The following DYSF variants were observed in gnomAD, a reference collection of about 807,000 sequenced individuals.
DYSF encodes dysferlin.
A neutral mutation model predicts 274.9 loss-of-function variants in DYSF; 212 were observed. That is an observed-to-expected ratio of 0.77 (90% CI 0.69 to 0.86). The LOEUF is 0.86. Among genes scored for constraint, DYSF ranks in the 40% least tolerant of loss-of-function variants. The pLI is 0.00. For missense variants in DYSF, 2,666 were observed against 2,783.2 expected (o/e 0.96, Z 0.95); for synonymous variants, 1,091 against 1,078.7 (o/e 1.01, Z -0.22).
At chr2:71,520,362 T>C (rs773845915) in intron 11 of DYSF, among the ~76,000 whole-genome samples, 154 bp downstream of exon 11, 8 of 152,208 alleles carry the variant, frequency 5.3e-5, no homozygotes, top group Non-Finnish European at 8.8e-5. Context: ...TCATCCTCCA[T>C]GTGAGACAGG....
intron 51 of DYSF, among the ~76,000 whole-genome samples, 194 bp from the exon 52 acceptor site, chr2:71,674,003 G>A (rs1457795434): frequency 6.6e-6 from 1 of 152,140 alleles, no homozygotes; most frequent in African/African-American, 2.4e-5. Context: ...CCTGCACGGT[G>A]CCCTTTTGGG....
intron 3 of DYSF, among the ~76,000 whole-genome samples, chr2:71,485,155 A>C (rs557080639): frequency 2.0e-5 from 3 of 152,242 alleles, no homozygotes; most frequent in Non-Finnish European, 2.9e-5. Flanking sequence ...CTAGCAATTA[A>C]AACTTGTCTT....
chr2:71,461,285 AC>A (rs544402309), intron 1 of DYSF, among the ~76,000 whole-genome samples: 67 of 152,262 alleles, frequency 4.4e-4, no homozygotes, highest in Admixed American at 7.8e-4. Context: ...TGCCAGAGGG[AC>A]CCGTCTAGAC....
intron 21 of DYSF, among the ~76,000 whole-genome samples, chr2:71,555,346 G>A (rs1230949797): frequency 6.6e-6 from 1 of 152,096 alleles, no homozygotes; most frequent in Non-Finnish European, 1.5e-5. Flanking sequence ...CTGCTGGGTG[G>A]GGAGGGGTGT....
chr2:71,558,388 C>T (rs954884477), intron 22 of DYSF, among the ~76,000 whole-genome samples: 1 of 152,144 alleles, frequency 6.6e-6, no homozygotes, highest in African/African-American at 2.4e-5. Context: ...TGGAGGGGCA[C>T]ATATGGGCAC....
chr2:71,497,216 G>C (rs2084491664), intron 3 of DYSF, among the ~76,000 whole-genome samples: 1 of 152,184 alleles, frequency 6.6e-6, no homozygotes. Context: ...TGGCTAAATG[G>C]GAGACTGGAG....
intron 42 of DYSF, among the ~76,000 whole-genome samples, chr2:71,651,962 A>T (rs1203064471): frequency 6.6e-6 from 1 of 152,212 alleles, no homozygotes; most frequent in East Asian, 1.9e-4. Context: ...TTATAAGATC[A>T]AGTAACATAT....
intron 44 of DYSF, among the ~76,000 whole-genome samples, chr2:71,659,472 A>G (rs564012270): frequency 6.6e-6 from 1 of 152,268 alleles, no homozygotes; most frequent in African/African-American, 2.4e-5. Context: ...GTGATGGGGG[A>G]AAGGAGCAGC....
chr2:71,628,417 C>CT lies in DYSF; in HGVS notation c.4527+7819dup, dbSNP rs34986238. 1.9e-4 allele frequency among the ~76,000 whole-genome samples: 28 copies of CT among 148,604 alleles called. 1 individual carries two copies. The highest frequency in any genetic ancestry group is 1.3e-3 in the South Asian group (6 of 4,712). On this transcript the variant is annotated intron_variant, in intron 41 of 55. Coordinates refer to ENST00000410020, the MANE Select transcript of DYSF (RefSeq NM_001130987.2). ...TTTCTTTTAGCTATATTCACATTTA[C>CT]TTTTTTTTTTTAATATCCGTCATCT...
At chr2:71,576,247 G>A (rs1027162097) in intron 30 of DYSF, 6 of 152,838 alleles carry the variant, frequency 3.9e-5, no homozygotes, top group African/African-American at 1.2e-4. Context: ...AAAAACCAAA[G>A]CAATGTTGGG....
intron 42 of DYSF, among the ~76,000 whole-genome samples, chr2:71,651,228 G>T (rs2094652490): frequency 6.6e-6 from 1 of 151,820 alleles, no homozygotes; most frequent in Non-Finnish European, 1.5e-5. Context: ...TTATAGAATT[G>T]AATTGAAAAA....
chr2:71,662,023 G>A (rs930217636), intron 45 of DYSF, among the ~76,000 whole-genome samples: 3 of 152,158 alleles, frequency 2.0e-5, no homozygotes, highest in Non-Finnish European at 2.9e-5. Flanking sequence ...CACAGTGGGT[G>A]GGCGTGTGTC....
Position 71,454,217 on chromosome 2 carries a change from G to C in DYSF, c.88+131G>C, listed in dbSNP as rs561178882. The stretch of plus-strand genomic sequence containing the variant: ...TCTGGCCCCGCCAGACTGACGTTGA[G>C]TGTTGCAACGACACAGGTCTGCAGA... On this transcript the variant is annotated intron_variant, in intron 1 of 54. Transcript: ENST00000258104. 21 of 892,202 alleles carry C rather than the reference G, an allele frequency of 2.4e-5. No individual in the cohort carries two copies. The Admixed American group carries it at 2.4e-4, about 10-fold the overall frequency. The allele number at this position is 892,202 out of a possible 1,614,324, so 55.3% of individuals were successfully genotyped here.
At chr2:71,571,404 C>A (rs539861278) in intron 29 of DYSF, among the ~76,000 whole-genome samples, 3 of 140,822 alleles carry the variant, frequency 2.1e-5, no homozygotes, top group Non-Finnish European at 3.0e-5. Flanking sequence ...ACAGATCACA[C>A]CCAGCACACA....
At chr2:71,516,347 TGTGAATGC>T (rs1390575802) in intron 9 of DYSF, 105 bp downstream of exon 9, 21 of 1,116,636 alleles carry the variant, frequency 1.9e-5, no homozygotes, top group African/African-American at 1.1e-4. Flanking sequence ...TGCACGTCAG[TGTGAATGC>T]GTGAATGCGT....
In DYSF at chr2:71,611,406, C is replaced by T. The variant is rs1054593070; in HGVS notation, c.4060-59C>T. The T allele has an allele frequency of 5.0e-6, 8 of 1,613,930 alleles. No individual in the cohort carries two copies. The African/African-American group carries it at 1.1e-4, about 22-fold the overall frequency. On this transcript the variant is annotated intron_variant, in intron 37 of 55. Coordinates refer to ENST00000410020, the MANE Select transcript of DYSF (RefSeq NM_001130987.2). ...GCAGCCTGCCCTTCCCCTTCCTGGC[C>T]CCAGCCTTTCCTGGGGCCCGGGGCC...
At chr2:71,645,504 C>A (rs558598933) in intron 42 of DYSF, among the ~76,000 whole-genome samples, 1 of 151,616 alleles carries the variant, frequency 6.6e-6, no homozygotes, top group Non-Finnish European at 1.5e-5. Context: ...GTGTTCCTCT[C>A]GATGTCCAGC....
intron 3 of DYSF, among the ~76,000 whole-genome samples, chr2:71,499,050 C>G (rs1471856408): frequency 2.0e-5 from 3 of 152,158 alleles, no homozygotes; most frequent in Admixed American, 1.3e-4. Flanking sequence ...AAAACAGAAA[C>G]TATATTTAAA....
At chr2:71,648,008 C>T (rs1413572235) in intron 42 of DYSF, among the ~76,000 whole-genome samples, 2 of 152,102 alleles carry the variant, frequency 1.3e-5, no homozygotes, top group Admixed American at 1.3e-4. Flanking sequence ...CACAAATGAG[C>T]CATATTTGCA....
Sources: allele counts gnomAD v4.1 joint callset (sites outside exome capture counted in the v4.1 genomes callset), GRCh38; gene constraint gnomAD v4.1.1; transcripts MANE v1.5; gene names NCBI Gene and HGNC (gene_info 2026-07-23, HGNC 2026-07-21).